Variants in PCED1B observed in about 807,000 individuals in gnomAD.
PCED1B encodes PC-esterase domain-containing protein 1B.
For missense variants in PCED1B, 573 were observed against 573.9 expected (o/e 1.00, Z 0.02); for synonymous variants, 251 against 246.1 (o/e 1.02, Z -0.19).
At chr12:47,134,518 T>C (rs1297665110) in intron 2 of PCED1B, among the ~76,000 whole-genome samples, 1 of 152,152 alleles carries the variant, frequency 6.6e-6, no homozygotes, top group Non-Finnish European at 1.5e-5. Context: ...AAGCTACCTC[T>C]CCCCACCTGC....
intron 2 of PCED1B, among the ~76,000 whole-genome samples, chr12:47,193,592 C>T (rs554243555): frequency 6.6e-6 from 1 of 152,288 alleles, no homozygotes; most frequent in Admixed American, 6.5e-5. Context: ...AAACTACAAG[C>T]AAGTCTTACA....
chr12:47,140,472 A>G (rs762289857), intron 2 of PCED1B, among the ~76,000 whole-genome samples: 2 of 152,190 alleles, frequency 1.3e-5, no homozygotes, highest in Non-Finnish European at 2.9e-5. Flanking sequence ...AGTGTCAGGG[A>G]CAGCAAAATA....
chr12:47,235,936 C>T lies in PCED1B; in HGVS notation c.873C>T (p.Ser291=), dbSNP rs762551823. Reference sequence around the variant, plus strand: ...GAAATCACCCGGCCTTACCTCTGTCCCCACCCTTACCTTCCCCCACATACC... The same window carrying T: ...GAAATCACCCGGCCTTACCTCTGTCTCCACCCTTACCTTCCCCCACATACC... ...ANRNHPALPL[S]PPLPSPTYRP... is the part of the protein sequence containing the mutation. The change falls in exon 4 of 4, where the codon TCC becomes TCT. Residue 291 remains serine (S), a synonymous_variant. Coordinates refer to ENST00000546455, the MANE Select transcript of PCED1B (RefSeq NM_138371.3). The T allele has an allele frequency of 2.0e-5, 32 of 1,611,624 alleles. No individual in the cohort carries two copies. The highest frequency in any genetic ancestry group is 6.7e-5 in the African/African-American group (5 of 74,704).
chr12:47,214,169 T>C (rs967984227), intron 2 of PCED1B, among the ~76,000 whole-genome samples: 1 of 152,174 alleles, frequency 6.6e-6, no homozygotes, highest in Non-Finnish European at 1.5e-5. Flanking sequence ...CTAAAACTCA[T>C]GGGGAACTGC....
intron 2 of PCED1B, among the ~76,000 whole-genome samples, chr12:47,197,296 A>G (rs1277005706): frequency 6.6e-6 from 1 of 151,802 alleles, no homozygotes; most frequent in East Asian, 1.9e-4. Context: ...CTTGTAAAAA[A>G]AAGTCATTGC....
At chr12:47,142,516 A>G (rs1176106074) in intron 2 of PCED1B, among the ~76,000 whole-genome samples, 1 of 152,198 alleles carries the variant, frequency 6.6e-6, no homozygotes, top group Non-Finnish European at 1.5e-5. Flanking sequence ...ATTATTCAAA[A>G]TTATTATCTT....
chr12:47,152,930 G>A lies in PCED1B; in HGVS notation c.-526+48735G>A, dbSNP rs189166529. 1.1e-3 allele frequency among the ~76,000 whole-genome samples: 168 copies of A among 151,574 alleles called. 1 individual carries two copies. Among genetic ancestry groups the A allele is most frequent in the African/African-American group, 3.0e-3 (125 of 41,262 alleles). On this transcript the variant is annotated intron_variant, in intron 2 of 3. Transcript: ENST00000546455. ...AGCCTGGGCAACAGAGTGAGACTCC[G>A]TATCAAAAAAATAAAATAAAATAAC...
intron 2 of PCED1B, among the ~76,000 whole-genome samples, chr12:47,203,857 T>G (rs1250206213): frequency 6.6e-6 from 1 of 152,210 alleles, no homozygotes; most frequent in Admixed American, 6.5e-5. Context: ...CTAATGGTAT[T>G]TCTGCCTCTA....
At chr12:47,087,523 C>T (rs531356413) in intron 1 of PCED1B, among the ~76,000 whole-genome samples, 84 of 152,056 alleles carry the variant, frequency 5.5e-4, no homozygotes, top group Non-Finnish European at 9.7e-4. Context: ...CTCCCAGAGC[C>T]GTGATATGGT....
intron 2 of PCED1B, among the ~76,000 whole-genome samples, chr12:47,121,245 G>A (rs537168270): frequency 6.6e-6 from 1 of 152,226 alleles, no homozygotes; most frequent in Admixed American, 6.5e-5. Flanking sequence ...TGTAGGCGAC[G>A]GTTTATAAAT....
chr12:47,202,727 T>C (rs555626442), intron 2 of PCED1B, among the ~76,000 whole-genome samples: 1 of 151,618 alleles, frequency 6.6e-6, no homozygotes, highest in African/African-American at 2.4e-5. Context: ...CATAAAAATA[T>C]ATATTTACAG....
chr12:47,107,311 T>G (rs1426419248), intron 2 of PCED1B, among the ~76,000 whole-genome samples: 1 of 151,054 alleles, frequency 6.6e-6, no homozygotes, highest in African/African-American at 2.5e-5. Flanking sequence ...CCTGTATCCA[T>G]GAACCATTGT....
At chr12:47,186,977 C>T (rs186577868) in intron 2 of PCED1B, among the ~76,000 whole-genome samples, 1 of 152,084 alleles carries the variant, frequency 6.6e-6, no homozygotes, top group Admixed American at 6.6e-5. Flanking sequence ...ATCCTGGAGT[C>T]GGGGACCACT....
At chr12:47,083,650 A>G (rs1937847470) in intron 1 of PCED1B, among the ~76,000 whole-genome samples, 1 of 152,086 alleles carries the variant, frequency 6.6e-6, no homozygotes, top group African/African-American at 2.4e-5. Context: ...TTATATGGAG[A>G]TACATTTTCT....
At chr12:47,222,353 CAGATGTTGCGGT>C (rs1943507494) in intron 3 of PCED1B, among the ~76,000 whole-genome samples, 1 of 137,668 alleles carries the variant, frequency 7.3e-6, no homozygotes, top group Non-Finnish European at 1.5e-5. Context: ...ACCTGGGAGG[CAGATGTTGCGGT>C]GAGCTGAGAT....
At chr12:47,228,067 T>C (rs1354117475) in intron 3 of PCED1B, among the ~76,000 whole-genome samples, 2 of 148,150 alleles carry the variant, frequency 1.3e-5, no homozygotes, top group Non-Finnish European at 3.0e-5. Flanking sequence ...AAAGTCACAC[T>C]CTGTTGCCCA....
chr12:47,118,884 T>C (rs1204131382), intron 2 of PCED1B, among the ~76,000 whole-genome samples: 1 of 152,206 alleles, frequency 6.6e-6, no homozygotes, highest in East Asian at 1.9e-4. Context: ...TGGTTTGTAG[T>C]TGTCCTTGAA....
chr12:47,139,877 A>G (rs1940527511), intron 2 of PCED1B, among the ~76,000 whole-genome samples: 1 of 151,914 alleles, frequency 6.6e-6, no homozygotes, highest in African/African-American at 2.4e-5. Context: ...GTATGTGTGT[A>G]TGTATCTGTG....
intron 2 of PCED1B, chr12:47,206,350 T>C (rs1942910286): frequency 6.6e-6 from 1 of 152,164 alleles, no homozygotes; most frequent in South Asian, 2.1e-4. Flanking sequence ...AAACTAAATT[T>C]CTCCCAAAGT....
Sources: gnomAD v4.1 joint callset for allele counts (sites outside exome capture counted in the v4.1 genomes callset) on GRCh38, gnomAD v4.1.1 for gene constraint, MANE v1.5 for transcripts, NCBI Gene and HGNC (gene_info 2026-07-23, HGNC 2026-07-21) for gene names.